Variants in C7orf78 observed in about 807,000 individuals in gnomAD.
The protein encoded by C7orf78 is chromosome 7 open reading frame 78.
At chr7:12,528,247 G>A in the C7orf78 span, among the ~76,000 whole-genome samples, 3 of 151,716 alleles carry the variant, frequency 2.0e-5, no homozygotes, top group Non-Finnish European at 1.5e-5. Flanking sequence ...GGTAGAAAAT[G>A]CCATCTAGCT....
At chr7:12,523,748 C>T in the C7orf78 span, among the ~76,000 whole-genome samples, 1 of 152,002 alleles carries the variant, frequency 6.6e-6, no homozygotes, top group Non-Finnish European at 1.5e-5. Flanking sequence ...CATCAGTTGC[C>T]AGGAGTTTAT....
At chr7:12,495,443 T>C in the C7orf78 span, among the ~76,000 whole-genome samples, 2 of 152,236 alleles carry the variant, frequency 1.3e-5, no homozygotes, top group African/African-American at 4.8e-5. Flanking sequence ...GTAATTAATA[T>C]GGCTTTATGA....
the C7orf78 span, among the ~76,000 whole-genome samples, chr7:12,506,422 A>T: frequency 6.6e-6 from 1 of 152,216 alleles, no homozygotes; most frequent in African/African-American, 2.4e-5. Flanking sequence ...CTGGATAGAG[A>T]AAATGTGGCA....
At chr7:12,519,029 G>C in the C7orf78 span, among the ~76,000 whole-genome samples, 1 of 152,102 alleles carries the variant, frequency 6.6e-6, no homozygotes, top group African/African-American at 2.4e-5. Context: ...TCCAGTTCTA[G>C]GTTGCACTTG....
the C7orf78 span, among the ~76,000 whole-genome samples, chr7:12,512,384 G>C: frequency 1.7e-3 from 256 of 152,212 alleles, no homozygotes; most frequent in African/African-American, 5.9e-3. Flanking sequence ...CTTATTGAGA[G>C]TTTTTATCAT....
the C7orf78 span, chr7:12,507,144 CAA>C: frequency 6.7e-3 from 768 of 115,176 alleles, no homozygotes; most frequent in South Asian, 0.021. Flanking sequence ...ACTAAAAATA[CAA>C]AAAAAAAAAA....
At chr7:12,515,278 T>C in the C7orf78 span, among the ~76,000 whole-genome samples, 1 of 152,206 alleles carries the variant, frequency 6.6e-6, no homozygotes, top group Non-Finnish European at 1.5e-5. Flanking sequence ...TGAATAAGTC[T>C]CACGAGATAT....
the C7orf78 span, among the ~76,000 whole-genome samples, chr7:12,503,663 G>T: frequency 2.0e-5 from 3 of 151,712 alleles, no homozygotes; most frequent in Admixed American, 6.6e-5. Flanking sequence ...CAGCGTGCAG[G>T]TTTGTTACAC....
the C7orf78 span, among the ~76,000 whole-genome samples, chr7:12,514,854 A>T: frequency 6.6e-6 from 1 of 151,600 alleles, no homozygotes; most frequent in Non-Finnish European, 1.5e-5. Context: ...TCTGGGAAAG[A>T]CTTTATTTAT....
the C7orf78 span, among the ~76,000 whole-genome samples, chr7:12,515,007 C>G: frequency 6.6e-6 from 1 of 152,100 alleles, no homozygotes; most frequent in Non-Finnish European, 1.5e-5. Context: ...ATGGAGGTAA[C>G]TTTATAGGTA....
At chr7:12,520,989 CA>C in the C7orf78 span, among the ~76,000 whole-genome samples, 2 of 151,994 alleles carry the variant, frequency 1.3e-5, no homozygotes, top group Non-Finnish European at 2.9e-5. Flanking sequence ...TCTCTTTTTA[CA>C]TTTTTTTATT....
At chr7:12,513,785 C>T in the C7orf78 span, among the ~76,000 whole-genome samples, 3 of 151,452 alleles carry the variant, frequency 2.0e-5, no homozygotes, top group East Asian at 1.9e-4. Flanking sequence ...TGGATCACGA[C>T]GTCAGGAGAT....
the C7orf78 span, among the ~76,000 whole-genome samples, chr7:12,513,156 TATTTC>T: frequency 6.6e-6 from 1 of 152,024 alleles, no homozygotes; most frequent in Non-Finnish European, 1.5e-5. Flanking sequence ...TTTTAGTTTT[TATTTC>T]ATTTAGTTCT....
the C7orf78 span, among the ~76,000 whole-genome samples, chr7:12,537,704 G>C: frequency 6.6e-6 from 1 of 152,098 alleles, no homozygotes; most frequent in Non-Finnish European, 1.5e-5. Flanking sequence ...AATTGCTTGT[G>C]ATAACCTTTA....
At chr7:12,515,438 A>C in the C7orf78 span, among the ~76,000 whole-genome samples, 1 of 152,180 alleles carries the variant, frequency 6.6e-6, no homozygotes, top group Admixed American at 6.5e-5. Flanking sequence ...TTTTCTTCCC[A>C]GTCTCAGATA....
the C7orf78 span, among the ~76,000 whole-genome samples, chr7:12,494,305 G>A: frequency 6.6e-6 from 1 of 152,168 alleles, no homozygotes; most frequent in African/African-American, 2.4e-5. Flanking sequence ...GTGCATGATG[G>A]ATGCTTGACC....
chr7:12,496,111 G>C, the C7orf78 span, among the ~76,000 whole-genome samples: 4 of 152,160 alleles, frequency 2.6e-5, no homozygotes, highest in African/African-American at 4.8e-5. Flanking sequence ...ATTTTTAGTA[G>C]AGACGGGGTT....
At chr7:12,514,712 T>C in the C7orf78 span, among the ~76,000 whole-genome samples, 1 of 152,126 alleles carries the variant, frequency 6.6e-6, no homozygotes, top group African/African-American at 2.4e-5. Flanking sequence ...GTGTGTTTGC[T>C]TTACCAGTGA....
At chr7:12,531,486 T>A in the C7orf78 span, among the ~76,000 whole-genome samples, 1 of 152,216 alleles carries the variant, frequency 6.6e-6, no homozygotes, top group African/African-American at 2.4e-5. Context: ...TTGGATGATT[T>A]GCTTAAATTT....
Sources: allele counts gnomAD v4.1 joint callset (sites outside exome capture counted in the v4.1 genomes callset), GRCh38; gene constraint gnomAD v4.1.1; transcripts MANE v1.5; gene names NCBI Gene and HGNC (gene_info 2026-07-23, HGNC 2026-07-21).